PLXNA4: variants seen among roughly 807,000 people sequenced by gnomAD.
The protein encoded by PLXNA4 is plexin A4.
PLXNA4 carries 44 observed loss-of-function variants against 191.8 expected under a neutral mutation model. The ratio of observed to expected loss-of-function variants is 0.23; its 90% confidence interval spans 0.18 to 0.29. PLXNA4 has a LOEUF of 0.29. Ranked by LOEUF, PLXNA4 falls within the 10% of genes least tolerant of loss-of-function variation. PLXNA4 has a pLI of 1.00. For missense variants in PLXNA4, 1,800 were observed against 2,488.8 expected (o/e 0.72, Z 5.89); for synonymous variants, 1,082 against 1,009.5 (o/e 1.07, Z -1.36).
chr7:132,463,228 T>C (rs1018498758), intron 3 of PLXNA4, among the ~76,000 whole-genome samples: 1 of 152,164 alleles, frequency 6.6e-6, no homozygotes, highest in African/African-American at 2.4e-5. Flanking sequence ...TGATTGTTCT[T>C]CCCAGGGGAG....
chr7:132,379,935 T>C (rs1157760045), intron 3 of PLXNA4, among the ~76,000 whole-genome samples: 2 of 152,214 alleles, frequency 1.3e-5, no homozygotes, highest in Admixed American at 1.3e-4. Flanking sequence ...GTCAAAGGTA[T>C]GTTCTTGGGC....
chr7:132,453,645 A>G (rs1240220427), intron 3 of PLXNA4, among the ~76,000 whole-genome samples: 2 of 151,830 alleles, frequency 1.3e-5, no homozygotes, highest in African/African-American at 4.8e-5. Context: ...TGGTTCAAGC[A>G]ATTATCCTGC....
intron 1 of PLXNA4, among the ~76,000 whole-genome samples, chr7:132,549,705 C>T (rs1800471833): frequency 6.6e-6 from 1 of 152,172 alleles, no homozygotes; most frequent in Non-Finnish European, 1.5e-5. Context: ...GAGGATTCCT[C>T]AGCAGTCATG....
intron 31 of PLXNA4, among the ~76,000 whole-genome samples, chr7:132,131,718 A>T (rs1186637935): frequency 6.6e-6 from 1 of 152,232 alleles, no homozygotes; most frequent in African/African-American, 2.4e-5. Context: ...CTGAGAGGAG[A>T]CGGTTGGAAT....
intron 3 of PLXNA4, chr7:132,384,268 G>A: frequency 5.1e-6 from 5 of 985,414 alleles, no homozygotes; most frequent in Non-Finnish European, 4.8e-6. Context: ...ACTTTCACTT[G>A]TTTTCAAGTA....
intron 2 of PLXNA4, among the ~76,000 whole-genome samples, chr7:132,602,439 T>A (rs1047375683): frequency 4.6e-5 from 7 of 152,222 alleles, no homozygotes; most frequent in African/African-American, 1.7e-4. Context: ...AGCTCCTTTA[T>A]GGCCCCGTGG....
At chr7:132,379,609 A>G (rs984004362) in intron 3 of PLXNA4, among the ~76,000 whole-genome samples, 1 of 152,108 alleles carries the variant, frequency 6.6e-6, no homozygotes, top group Non-Finnish European at 1.5e-5. Flanking sequence ...CTGTGCTTCT[A>G]CTCTTTGATT....
intron 5 of PLXNA4, among the ~76,000 whole-genome samples, chr7:132,228,752 T>C (rs942923901): frequency 6.6e-6 from 1 of 152,214 alleles, no homozygotes; most frequent in African/African-American, 2.4e-5. Flanking sequence ...CACAGTTCTG[T>C]CTATTCACCC....
intron 3 of PLXNA4, among the ~76,000 whole-genome samples, chr7:132,400,094 A>G (rs1274715882): frequency 6.6e-6 from 1 of 152,120 alleles, no homozygotes; most frequent in East Asian, 1.9e-4. Context: ...GAGAAAAAAT[A>G]AAATAAAATT....
At chr7:132,443,910 G>A (rs1253714156) in intron 3 of PLXNA4, among the ~76,000 whole-genome samples, 1 of 152,214 alleles carries the variant, frequency 6.6e-6, no homozygotes, top group Non-Finnish European at 1.5e-5. Flanking sequence ...GGAGGGCCAT[G>A]GATTCCTTTG....
intron 3 of PLXNA4, among the ~76,000 whole-genome samples, chr7:132,326,243 C>T (rs1255692533): frequency 1.3e-5 from 2 of 152,288 alleles, no homozygotes; most frequent in Non-Finnish European, 1.5e-5. Flanking sequence ...GGCTGGAACT[C>T]ACACCATTGA....
chr7:132,337,477 T>C (rs1802863802), intron 3 of PLXNA4, among the ~76,000 whole-genome samples: 1 of 152,172 alleles, frequency 6.6e-6, no homozygotes. Flanking sequence ...AAATGGGAAG[T>C]CATATGGAGA....
chr7:132,475,040 C>T (rs1161308510), intron 3 of PLXNA4, among the ~76,000 whole-genome samples: 4 of 152,152 alleles, frequency 2.6e-5, no homozygotes, highest in Non-Finnish European at 5.9e-5. Flanking sequence ...AGAAGTGCAG[C>T]CAGAAACAAA....
chr7:132,132,082 T>C (rs1373519804), intron 31 of PLXNA4, among the ~76,000 whole-genome samples: 1 of 152,230 alleles, frequency 6.6e-6, no homozygotes. Flanking sequence ...GAATTTGGAT[T>C]CCAAGGATGG....
At chr7:132,478,541 A>C (rs1797214421) in intron 3 of PLXNA4, among the ~76,000 whole-genome samples, 1 of 152,168 alleles carries the variant, frequency 6.6e-6, no homozygotes, top group Non-Finnish European at 1.5e-5. Flanking sequence ...CAATGTAAAG[A>C]ATGTATTGAC....
intron 3 of PLXNA4, among the ~76,000 whole-genome samples, chr7:132,472,559 C>T (rs10278206): frequency 4.6e-5 from 7 of 152,296 alleles, no homozygotes; most frequent in South Asian, 2.1e-4. Flanking sequence ...GGGCAGTGCA[C>T]GGGACACACC....
At chr7:132,541,597 T>C (rs968425038) in intron 1 of PLXNA4, among the ~76,000 whole-genome samples, 1 of 152,264 alleles carries the variant, frequency 6.6e-6, no homozygotes, top group Non-Finnish European at 1.5e-5. Context: ...TGTCATATAA[T>C]GGCTTCTGGT....
chr7:132,423,753 T>G (rs1007962745), intron 3 of PLXNA4, among the ~76,000 whole-genome samples: 1 of 152,188 alleles, frequency 6.6e-6, no homozygotes, highest in African/African-American at 2.4e-5. Context: ...CAGAGCTGAT[T>G]GTGACTGGTC....
chr7:132,337,503 G>T (rs553328275), intron 3 of PLXNA4, among the ~76,000 whole-genome samples: 10 of 152,322 alleles, frequency 6.6e-5, no homozygotes, highest in African/African-American at 2.4e-4. Context: ...GTGCTTTATT[G>T]TCTTTCGTAT....
Sources: gnomAD v4.1 joint callset for allele counts (sites outside exome capture counted in the v4.1 genomes callset) on GRCh38, gnomAD v4.1.1 for gene constraint, MANE v1.5 for transcripts, NCBI Gene and HGNC (gene_info 2026-07-23, HGNC 2026-07-21) for gene names.